TMEM106B: variants seen among roughly 807,000 people sequenced by gnomAD.
TMEM106B encodes transmembrane protein 106B.
In TMEM106B, 15 loss-of-function variants were observed where a neutral mutation model predicts 31.1. That is an observed-to-expected ratio of 0.48 (90% CI 0.32 to 0.74). TMEM106B has a LOEUF of 0.74. TMEM106B is among the 30% of genes least tolerant of loss of function. The probability of loss-of-function intolerance (pLI) is 0.03; values close to 1 mark genes in which losing one functional copy is unlikely to be tolerated. For synonymous variants in TMEM106B, 126 were observed against 112.5 expected (o/e 1.12, Z -0.76); for missense variants, 283 against 327.3 (o/e 0.86, Z 1.04).
rs1216579635 is a variant in TMEM106B at position 12,240,543 on chromosome 7, T to C, written c.*8568T>C. On this transcript the variant is annotated 3_prime_UTR_variant, in exon 8 of 8. Coordinates refer to ENST00000396668, the MANE Select transcript of TMEM106B (RefSeq NM_001134232.2). ...TGAGGTAGTATGATTTGAAATTAGATGGAATGTGCCCAAAATTATCTCTGT... is the reference window on the plus strand; with the variant it reads ...TGAGGTAGTATGATTTGAAATTAGACGGAATGTGCCCAAAATTATCTCTGT... The C allele has an allele frequency of 2.0e-5, 3 of 152,154 alleles. No individual in the cohort carries two copies. The highest frequency in any genetic ancestry group is 6.5e-5 in the Admixed American group (1 of 15,272). The allele number at this position is 152,154 out of a possible 1,614,324, so 9.4% of individuals were successfully genotyped here.
intron 1 of TMEM106B, among the ~76,000 whole-genome samples, chr7:12,213,486 C>T (rs759951030): frequency 3.9e-5 from 6 of 152,184 alleles, no homozygotes; most frequent in Non-Finnish European, 8.8e-5. Flanking sequence ...TAGTTATCGT[C>T]TACCCAAAGC....
intron 6 of TMEM106B, 102 bp from the exon 7 acceptor site, chr7:12,230,957 CTTA>C (rs3217132): frequency 0.18 from 131,031 of 728,584 alleles, 12,754 homozygotes; most frequent in East Asian, 0.23. Flanking sequence ...CCAACAAATG[CTTA>C]TTATATTTCT....
At chr7:12,219,689 G>A (rs1319266399) in intron 3 of TMEM106B, among the ~76,000 whole-genome samples, 1 of 151,936 alleles carries the variant, frequency 6.6e-6, no homozygotes, top group Non-Finnish European at 1.5e-5. Context: ...AGAATTAGAA[G>A]AAAAACATTT....
intron 2 of TMEM106B, among the ~76,000 whole-genome samples, chr7:12,217,543 C>G (rs6947327): frequency 0.64 from 96,872 of 152,000 alleles, 31,966 homozygotes; most frequent in African/African-American, 0.83. Flanking sequence ...ATGTTTAGCT[C>G]TGTTGATATA....
At position 12,213,736 on chromosome 7, in the gene TMEM106B, T is replaced by G. The variant is rs12699323; in HGVS notation, c.-2-1073T>G. 4.0e-5 allele frequency among the ~76,000 whole-genome samples: 6 copies of G among 151,644 alleles called. No homozygotes were observed. The East Asian group carries it at 1.2e-3, about 30-fold the overall frequency. On this transcript the variant is annotated intron_variant, in intron 1 of 7. Coordinates refer to ENST00000396668, the MANE Select transcript of TMEM106B (RefSeq NM_001134232.2). ...TCCTTTGTTTCAGACATTATTTTGA[T>G]TGGATATAATCCTAATCCAAAAGGT...
At position 12,239,769 on chromosome 7, in the gene TMEM106B, A is replaced by G. The variant is rs1782207334; in HGVS notation, c.*7794A>G. On this transcript the variant is annotated 3_prime_UTR_variant, in exon 8 of 8. Coordinates refer to ENST00000396668, the MANE Select transcript of TMEM106B (RefSeq NM_001134232.2). ...TTTTTTATTACTTTCACTGCCTTAC[A>G]TGGGTATGGTTCATGCTGCCTCCAA... 6.6e-6 allele frequency: 1 copy of G among 152,122 alleles called. No homozygotes were observed. 9.4% of individuals were successfully genotyped at this position (152,122 alleles called of 1,614,324 possible).
intron 3 of TMEM106B, among the ~76,000 whole-genome samples, chr7:12,222,871 A>G (rs573311265): frequency 1.5e-3 from 223 of 152,344 alleles, no homozygotes; most frequent in African/African-American, 5.1e-3. Context: ...AAATATCTGC[A>G]GGAGGCACTT....
chr7:12,234,369 G>A lies in TMEM106B; in HGVS notation c.*2394G>A, dbSNP rs1782087211. 6.6e-6 allele frequency: 1 copy of A among 151,654 alleles called. No homozygotes were observed. Among genetic ancestry groups the A allele is most frequent in the African/African-American group, 2.4e-5 (1 of 41,360 alleles). The allele number at this position is 151,654 out of a possible 1,614,324, so 9.4% of individuals were successfully genotyped here. ...TGGAGTTTGAGTCAGAAAAAAACAA[G>A]AATTTGAAACAAGTAAAAAGATAGA... On this transcript the variant is annotated 3_prime_UTR_variant, in exon 8 of 8. Coordinates refer to ENST00000396668, the MANE Select transcript of TMEM106B (RefSeq NM_001134232.2).
Position 12,237,167 on chromosome 7 carries a change from T to A in TMEM106B, c.*5192T>A, listed in dbSNP as rs924104512. The A allele has an allele frequency of 6.6e-6, 1 of 152,128 alleles. No homozygotes were observed. Among genetic ancestry groups the A allele is most frequent in the Admixed American group, 6.6e-5 (1 of 15,252 alleles). The allele number at this position is 152,128 out of a possible 1,614,324, so 9.4% of individuals were successfully genotyped here. On this transcript the variant is annotated 3_prime_UTR_variant, in exon 8 of 8. Coordinates refer to ENST00000396668, the MANE Select transcript of TMEM106B (RefSeq NM_001134232.2). ...AAATGCCCCCAAAATGCTATTTTTT[T>A]AATTCAGTTATAACTGTTACTCTTG...
rs1034902118 is a variant in TMEM106B, at chr7:12,235,320, C to T, written c.*3345C>T. The T allele has an allele frequency of 3.3e-5, 5 of 151,856 alleles. No individual in the cohort carries two copies. The highest frequency in any genetic ancestry group is 5.9e-5 in the Non-Finnish European group (4 of 67,680). 9.4% of individuals were successfully genotyped at this position (151,856 alleles called of 1,614,324 possible). On this transcript the variant is annotated 3_prime_UTR_variant, in exon 8 of 8. Coordinates refer to ENST00000396668, the MANE Select transcript of TMEM106B (RefSeq NM_001134232.2). ...AGAATAGTATGAAAATATTAGATACCACATAAATTGTTTGAAATTACTGAA... is the reference window on the plus strand; with the variant it reads ...AGAATAGTATGAAAATATTAGATACTACATAAATTGTTTGAAATTACTGAA...
chr7:12,224,278 G>T lies in TMEM106B; in HGVS notation c.334G>T (p.Ala112Ser). The T allele has an allele frequency of 6.2e-7, 1 of 1,613,910 alleles. No homozygotes were observed. The highest frequency in any genetic ancestry group is 8.5e-7 in the Non-Finnish European group (1 of 1,179,902). Residue 112 changes from alanine (A) to serine (S), a missense_variant, in exon 4 of 8, where the codon GCT becomes TCT. Physicochemically the swap from Ala to Ser is moderately conservative, Grantham distance 99. Transcript: ENST00000396668. ...VFVCLLLSGLAVFFLFPRSID... is the reference protein window; with the variant it reads ...VFVCLLLSGLSVFFLFPRSID... Reference sequence around the variant, plus strand: ...TGTCTGTCTACTCCTTTCTGGATTGGCTGTGTTTTTCCTTTTCCCTCGCTC... The same window carrying T: ...TGTCTGTCTACTCCTTTCTGGATTGTCTGTGTTTTTCCTTTTCCCTCGCTC...
chr7:12,235,150 T>C lies in TMEM106B; in HGVS notation c.*3175T>C, dbSNP rs1004761529. 13 of 152,482 alleles carry C rather than the reference T, an allele frequency of 8.5e-5. No individual in the cohort carries two copies. The Admixed American group carries it at 8.5e-4, about 10-fold the overall frequency. 9.4% of individuals were successfully genotyped at this position (152,482 alleles called of 1,614,324 possible). ...ATTTTAAATGGAGAATGAACACTTA[T>C]AAAATGCTTTGGAACATAATCTTTA... On this transcript the variant is annotated 3_prime_UTR_variant, in exon 8 of 8. Transcript: ENST00000396668.
Position 12,242,500 on chromosome 7 carries a change from CACACTGATATCTGTA to C in TMEM106B, c.*10529_*10543del, listed in dbSNP as rs1485506461. On this transcript the variant is annotated 3_prime_UTR_variant, in exon 8 of 8. Transcript: ENST00000396668. ...TTTTAGAATAAATCTAAACAGAGAC[CACACTGATATCTGTA>C]ACAACCTATGTAAAGTTAAGATTAA... is the stretch of plus-strand genomic sequence containing the variant. 1 of 151,504 alleles carries C rather than the reference CACACTGATATCTGTA, an allele frequency of 6.6e-6. No homozygotes were observed. Among genetic ancestry groups the C allele is most frequent in the Non-Finnish European group, 1.5e-5 (1 of 67,924 alleles). 9.4% of individuals were successfully genotyped at this position (151,504 alleles called of 1,614,324 possible). A position where few individuals can be genotyped will look rare whatever the true frequency, so the allele number is the denominator to read the frequency against.
chr7:12,231,927 T>A lies in TMEM106B; in HGVS notation c.777T>A (p.Tyr259Ter). 6.2e-7 allele frequency: 1 copy of A among 1,612,494 alleles called. No homozygotes were observed. The highest frequency in any genetic ancestry group is 8.5e-7 in the Non-Finnish European group (1 of 1,178,944). ...TCGACTGTGGAAGAAACACAACTTA[T>A]CAGTTGGGGCAGTCTGAATATTTAA... ...QYVDCGRNTT[Y>*]QLGQSEYLNV... is the part of the protein sequence containing the mutation. The change falls in exon 8 of 8, where the codon TAT becomes TAA. Residue 259 changes from tyrosine (Y) to a stop codon, truncating the protein, a stop_gained. Coordinates refer to ENST00000396668, the MANE Select transcript of TMEM106B (RefSeq NM_001134232.2). LOFTEE classifies it high-confidence loss of function.
At chr7:12,220,209 T>C (rs1041696064) in intron 3 of TMEM106B, among the ~76,000 whole-genome samples, 2 of 152,190 alleles carry the variant, frequency 1.3e-5, no homozygotes, top group Admixed American at 6.5e-5. Context: ...GATATGAATA[T>C]GAAGGAAATT....
intron 4 of TMEM106B, 140 bp from the exon 5 acceptor site, chr7:12,229,539 T>C: frequency 4.4e-6 from 3 of 686,892 alleles, no homozygotes; most frequent in Non-Finnish European, 7.0e-6. Context: ...AATAATTGGT[T>C]TAATTTTCTT....
At chr7:12,223,042 ATGT>A (rs1192360358) in intron 3 of TMEM106B, among the ~76,000 whole-genome samples, 1 of 152,170 alleles carries the variant, frequency 6.6e-6, no homozygotes, top group Admixed American at 6.5e-5. Context: ...CAAAAAAAGG[ATGT>A]TGTGGGCATC....
At chr7:12,218,755 T>C (rs913993730) in intron 3 of TMEM106B, among the ~76,000 whole-genome samples, 7 of 152,006 alleles carry the variant, frequency 4.6e-5, no homozygotes, top group Admixed American at 6.6e-5. Flanking sequence ...TGGAAATAGA[T>C]CTAGAATAGC....
Position 12,234,556 on chromosome 7 carries a change from T to C in TMEM106B, c.*2581T>C, listed in dbSNP as rs1782091424. 6.6e-6 allele frequency: 1 copy of C among 151,864 alleles called. No homozygotes were observed. Among genetic ancestry groups the C allele is most frequent in the South Asian group, 2.1e-4 (1 of 4,832 alleles). 9.4% of individuals were successfully genotyped at this position (151,864 alleles called of 1,614,324 possible). ...ATCTAGAAAGAGTGAATGAGGCTTT[T>C]AGCTTTTCTTAGGTCAATGTCCAGT... On this transcript the variant is annotated 3_prime_UTR_variant, in exon 8 of 8. Transcript: ENST00000396668.
Sources: gnomAD v4.1 joint callset for allele counts (sites outside exome capture counted in the v4.1 genomes callset) on GRCh38, gnomAD v4.1.1 for gene constraint, MANE v1.5 for transcripts, NCBI Gene and HGNC (gene_info 2026-07-23, HGNC 2026-07-21) for gene names.